Variants in PDE1C observed in about 807,000 individuals in gnomAD.
PDE1C encodes dual specificity calcium/calmodulin-dependent 3',5'-cyclic nucleotide phosphodiesterase 1C.
PDE1C carries 62 observed loss-of-function variants against 93.1 expected under a neutral mutation model. That is an observed-to-expected ratio of 0.67 (90% confidence interval 0.54 to 0.82). The LOEUF is 0.82. Ranked by LOEUF, PDE1C falls within the 40% of genes least tolerant of loss-of-function variation. The pLI is 0.00. For missense variants in PDE1C, 742 were observed against 884.6 expected, an observed-to-expected ratio of 0.84 and a Z score of 2.04; for synonymous variants, 325 against 310.1, an observed-to-expected ratio of 1.05 and a Z score of -0.50.
chr7:32,039,790 G>A (rs1791580060), intron 2 of PDE1C, among the ~76,000 whole-genome samples: 1 of 152,146 alleles, frequency 6.6e-6, no homozygotes, highest in Admixed American at 6.5e-5. Flanking sequence ...AGTAAGGGAT[G>A]GAACTTCATT....
At chr7:31,919,545 GA>G (rs996592241) in intron 2 of PDE1C, among the ~76,000 whole-genome samples, 4 of 151,238 alleles carry the variant, frequency 2.6e-5, no homozygotes, top group South Asian at 2.1e-4. Flanking sequence ...GGTCAAGAGA[GA>G]AAAAAAAGAC....
At chr7:31,874,448 G>T (rs1479048866) in intron 5 of PDE1C, among the ~76,000 whole-genome samples, 1 of 152,202 alleles carries the variant, frequency 6.6e-6, no homozygotes, top group Non-Finnish European at 1.5e-5. Flanking sequence ...CTGCCTACAG[G>T]CAAGGTGTCA....
At chr7:31,926,976 T>C (rs1165577492) in intron 2 of PDE1C, among the ~76,000 whole-genome samples, 1 of 152,084 alleles carries the variant, frequency 6.6e-6, no homozygotes, top group Non-Finnish European at 1.5e-5. Flanking sequence ...TTCACTCCCC[T>C]GGAAAGGGGG....
chr7:32,426,318 G>A (rs1478125348), intron 1 of PDE1C, among the ~76,000 whole-genome samples: 2 of 150,134 alleles, frequency 1.3e-5, no homozygotes, highest in Admixed American at 6.6e-5. Flanking sequence ...TTGTCACCCA[G>A]GCTGGAGTGC....
the PDE1C span, among the ~76,000 whole-genome samples, chr7:31,717,109 A>G: frequency 6.6e-6 from 1 of 152,240 alleles, no homozygotes; most frequent in Non-Finnish European, 1.5e-5. Context: ...GTTATATGGC[A>G]AGAATAAGGT....
At chr7:32,128,639 C>A (rs904119525) in intron 3 of PDE1C, among the ~76,000 whole-genome samples, 1 of 151,326 alleles carries the variant, frequency 6.6e-6, no homozygotes, top group Non-Finnish European at 1.5e-5. Flanking sequence ...ATGATCTCGG[C>A]CTAAATGAGG....
At chr7:31,824,615 G>A (rs954055373) in intron 13 of PDE1C, among the ~76,000 whole-genome samples, 2 of 152,048 alleles carry the variant, frequency 1.3e-5, no homozygotes, top group African/African-American at 4.8e-5. Flanking sequence ...AGCAAATAGG[G>A]TGGCAGGGGG....
At chr7:31,732,864 G>T in the PDE1C span, among the ~76,000 whole-genome samples, 1 of 152,130 alleles carries the variant, frequency 6.6e-6, no homozygotes, top group African/African-American at 2.4e-5. Context: ...TTCTTCAAAA[G>T]ATAGCACTGA....
intron 7 of PDE1C, among the ~76,000 whole-genome samples, chr7:31,859,912 T>C: frequency 6.6e-6 from 1 of 152,296 alleles, no homozygotes; most frequent in East Asian, 1.9e-4. Flanking sequence ...GAATAATACA[T>C]CTTGAATTTT....
At chr7:32,413,768 TAAA>T (rs149316296) in intron 1 of PDE1C, among the ~76,000 whole-genome samples, 1 of 152,072 alleles carries the variant, frequency 6.6e-6, no homozygotes, top group Non-Finnish European at 1.5e-5. Flanking sequence ...TTTTTCAAAT[TAAA>T]AAAGCTAGAA....
chr7:32,261,111 GA>G (rs950678900), intron 1 of PDE1C, among the ~76,000 whole-genome samples: 2 of 149,240 alleles, frequency 1.3e-5, no homozygotes, highest in African/African-American at 2.5e-5. Context: ...CTTCGTCTCA[GA>G]AAAAAAAAAG....
chr7:31,853,661 G>A (rs1198140990), intron 7 of PDE1C, among the ~76,000 whole-genome samples: 2 of 137,274 alleles, frequency 1.5e-5, no homozygotes, highest in Non-Finnish European at 1.6e-5. Context: ...ATTTGGACAG[G>A]AGGAGAGAAG....
chr7:32,286,789 A>C (rs1255882680), intron 1 of PDE1C, among the ~76,000 whole-genome samples: 1 of 152,256 alleles, frequency 6.6e-6, no homozygotes, highest in Non-Finnish European at 1.5e-5. Context: ...CAAGGATAGG[A>C]TATTAACAGA....
intron 2 of PDE1C, among the ~76,000 whole-genome samples, chr7:31,989,967 G>A (rs1212846681): frequency 3.3e-5 from 5 of 152,324 alleles, no homozygotes; most frequent in Middle Eastern, 3.4e-3. Context: ...CGGGCACAGG[G>A]AAGGGAGTGA....
At chr7:32,247,720 C>T (rs7804818) in intron 1 of PDE1C, among the ~76,000 whole-genome samples, 150,352 of 152,346 alleles carry the variant, frequency 0.99, 74,232 homozygotes, top group Middle Eastern at 1. Flanking sequence ...AAATAGGCTT[C>T]GGTTTAGATG....
intron 9 of PDE1C, among the ~76,000 whole-genome samples, chr7:31,839,134 T>C (rs1002394824): frequency 2.7e-5 from 4 of 148,838 alleles, no homozygotes; most frequent in South Asian, 2.1e-4. Flanking sequence ...TGTGTGTATA[T>C]ATGTATATAT....
At chr7:31,734,869 T>C in the PDE1C span, among the ~76,000 whole-genome samples, 151,140 of 152,288 alleles carry the variant, frequency 0.99, 75,006 homozygotes, top group East Asian at 1. Context: ...TTGGACCTAA[T>C]AACTTAAAAA....
At chr7:32,340,179 G>A (rs549919966) in intron 1 of PDE1C, among the ~76,000 whole-genome samples, 1 of 152,240 alleles carries the variant, frequency 6.6e-6, no homozygotes, top group South Asian at 2.1e-4. Flanking sequence ...GGAGCAGGAT[G>A]GTTGAAATCT....
At chr7:31,764,164 T>G (rs1477438096) in intron 17 of PDE1C, among the ~76,000 whole-genome samples, 1 of 152,152 alleles carries the variant, frequency 6.6e-6, no homozygotes, top group Non-Finnish European at 1.5e-5. Flanking sequence ...TTTGTTTTTG[T>G]TTTTAAGACG....
Sources: allele counts gnomAD v4.1 joint callset (sites outside exome capture counted in the v4.1 genomes callset), GRCh38; gene constraint gnomAD v4.1.1; transcripts MANE v1.5; gene names NCBI Gene and HGNC (gene_info 2026-07-23, HGNC 2026-07-21).